CCDC125: variants seen among roughly 807,000 people sequenced by gnomAD.
CCDC125 encodes the protein coiled-coil domain containing 125.
In CCDC125, 43 loss-of-function variants were observed where a neutral mutation model predicts 57.4. The observed-to-expected ratio is 0.75, with a 90% CI of 0.59 to 0.97. The LOEUF is 0.97. CCDC125 is among the 50% of genes least tolerant of loss of function. The pLI is 0.00. For missense variants in CCDC125, 563 were observed against 595.7 expected, an observed-to-expected ratio of 0.95 and a Z score of 0.57; for synonymous variants, 187 against 195.2, an observed-to-expected ratio of 0.96 and a Z score of 0.35.
downstream of CCDC125, chr5:69,277,127 A>G (rs779651538): frequency 3.1e-6 from 5 of 1,599,576 alleles, no homozygotes; most frequent in Admixed American, 3.5e-5. Flanking sequence ...CAAGAAACTA[A>G]TTTTTTAAAG....
chr5:69,330,304 A>C (rs1156294618), intron 1 of CCDC125, among the ~76,000 whole-genome samples: 1 of 152,160 alleles, frequency 6.6e-6, no homozygotes, highest in Non-Finnish European at 1.5e-5. Context: ...CTTGCTCAAA[A>C]ACAAATTCAC....
At chr5:69,305,719 C>T (rs1226603873) in intron 6 of CCDC125, among the ~76,000 whole-genome samples, 4 of 152,096 alleles carry the variant, frequency 2.6e-5, no homozygotes, top group Non-Finnish European at 4.4e-5. Flanking sequence ...AAGCCTGCAC[C>T]GAGTCAAGCA....
At chr5:69,329,425 C>A (rs1411992063) in intron 1 of CCDC125, among the ~76,000 whole-genome samples, 1 of 149,030 alleles carries the variant, frequency 6.7e-6, no homozygotes, top group Non-Finnish European at 1.5e-5. Context: ...TGGGCTCAAG[C>A]AATCCTTCTG....
chr5:69,276,612 T>C (rs750447956), downstream of CCDC125: 1 of 1,614,044 alleles, frequency 6.2e-7, no homozygotes, highest in Non-Finnish European at 8.5e-7. Context: ...AAGACCAAAC[T>C]GTCCAGTGGA....
chr5:69,309,932 G>T (rs187000703), intron 4 of CCDC125: 15 of 152,316 alleles, frequency 9.8e-5, no homozygotes, highest in African/African-American at 3.6e-4. Context: ...TTTAAAATTT[G>T]ACTGCCCTGC....
At chr5:69,301,470 T>C (rs974994783) in intron 7 of CCDC125, among the ~76,000 whole-genome samples, 1 of 149,872 alleles carries the variant, frequency 6.7e-6, no homozygotes, top group Non-Finnish European at 1.5e-5. Flanking sequence ...TCTACAAAAA[T>C]TTTTTTTTTA....
intron 1 of CCDC125, among the ~76,000 whole-genome samples, chr5:69,328,950 C>A (rs563824746): frequency 7.2e-6 from 1 of 138,178 alleles, no homozygotes; most frequent in Non-Finnish European, 1.7e-5. Flanking sequence ...TCCGCCACCA[C>A]GCCCGGCTAA....
chr5:69,293,207 C>A (rs1304622985), intron 9 of CCDC125, among the ~76,000 whole-genome samples: 1 of 151,980 alleles, frequency 6.6e-6, no homozygotes, highest in Non-Finnish European at 1.5e-5. Flanking sequence ...GATGTGAACA[C>A]GGCTCACTGT....
downstream of CCDC125, chr5:69,277,146 G>A (rs1295953026): frequency 1.9e-6 from 3 of 1,588,116 alleles, no homozygotes; most frequent in South Asian, 1.2e-5. Context: ...AGAGAACACT[G>A]GACAACATTT....
intron 1 of CCDC125, among the ~76,000 whole-genome samples, chr5:69,323,266 G>A (rs1004941174): frequency 6.6e-6 from 1 of 151,234 alleles, no homozygotes; most frequent in African/African-American, 2.4e-5. Flanking sequence ...CCGAGATTGC[G>A]CCACTGCACT....
chr5:69,300,085 A>G lies in CCDC125; in HGVS notation c.743T>C (p.Ile248Thr). Reference sequence around the variant, plus strand: ...TTCCTGAGCCATCTTCTGCTGTTTGATATCAAGCATGGCGAGGGCCTCCAA... The same window carrying G: ...TTCCTGAGCCATCTTCTGCTGTTTGGTATCAAGCATGGCGAGGGCCTCCAA... ...RYLEALAMLDIKQQKMAQENM... is the reference protein window; with the variant it reads ...RYLEALAMLDTKQQKMAQENM... Residue 248 changes from isoleucine (I) to threonine (T), a missense_variant, in exon 8 of 12, where the codon ATC becomes ACC. Coordinates refer to ENST00000396496, the MANE Select transcript of CCDC125 (RefSeq NM_176816.5). 1 of 1,614,214 alleles carries G rather than the reference A, an allele frequency of 6.2e-7. No homozygotes were observed. Among genetic ancestry groups the G allele is most frequent in the Non-Finnish European group, 8.5e-7 (1 of 1,180,044 alleles).
At chr5:69,331,756 A>C (rs1410146332) in intron 1 of CCDC125, among the ~76,000 whole-genome samples, 1 of 152,040 alleles carries the variant, frequency 6.6e-6, no homozygotes, top group East Asian at 1.9e-4. Flanking sequence ...TCACCCCAGG[A>C]ATGCTGTTTC....
intron 1 of CCDC125, among the ~76,000 whole-genome samples, chr5:69,324,857 CAATA>C (rs1760528654): frequency 1.3e-5 from 2 of 151,836 alleles, no homozygotes; most frequent in African/African-American, 2.4e-5. Context: ...CTAATTAAAA[CAATA>C]AATAAATAAA....
At chr5:69,276,791 T>C, downstream of CCDC125, 2 of 986,606 alleles carry the variant, frequency 2.0e-6, no homozygotes, top group Admixed American at 2.6e-5. Context: ...TGTAGCTTGC[T>C]AGCTATTTAA....
chr5:69,320,193 C>T (rs770100613), intron 2 of CCDC125, 44 bp downstream of exon 2: 5 of 1,487,296 alleles, frequency 3.4e-6, no homozygotes, highest in Non-Finnish European at 3.7e-6. Context: ...AGCTTTGATA[C>T]TATGCACAGG....
Position 69,294,906 on chromosome 5 carries a change from A to C in CCDC125, c.817-6T>G. Reference sequence around the variant, plus strand: ...CAGGCTCCGAGGACCGCAAGCTTTAAATTGAAAAGCATTGCTCCTGTTATT... The same window carrying C: ...CAGGCTCCGAGGACCGCAAGCTTTACATTGAAAAGCATTGCTCCTGTTATT... On this transcript the variant is annotated splice_region_variant and splice_polypyrimidine_tract_variant and intron_variant, in intron 8 of 11. Coordinates refer to ENST00000396496, the MANE Select transcript of CCDC125 (RefSeq NM_176816.5). 1 of 1,610,816 alleles carries C rather than the reference A, an allele frequency of 6.2e-7. No homozygotes were observed. The highest frequency in any genetic ancestry group is 8.5e-7 in the Non-Finnish European group (1 of 1,178,024).
At chr5:69,320,786 G>T (rs985192593) in intron 1 of CCDC125, among the ~76,000 whole-genome samples, 1 of 148,242 alleles carries the variant, frequency 6.7e-6, no homozygotes, top group Non-Finnish European at 1.5e-5. Flanking sequence ...TATGGTGTGG[G>T]GTGTGTGTGT....
intron 2 of CCDC125, among the ~76,000 whole-genome samples, chr5:69,314,259 G>T (rs539584788): frequency 2.1e-4 from 32 of 152,080 alleles, no homozygotes; most frequent in Non-Finnish European, 4.1e-4. Context: ...GAGGTCAGGA[G>T]TTCAAGGCCA....
At chr5:69,296,545 C>G (rs1755353668) in intron 8 of CCDC125, among the ~76,000 whole-genome samples, 1 of 151,978 alleles carries the variant, frequency 6.6e-6, no homozygotes, top group Non-Finnish European at 1.5e-5. Flanking sequence ...GAGCAAAACT[C>G]TGTCTCAAAA....
Sources: gnomAD v4.1 joint callset for allele counts (sites outside exome capture counted in the v4.1 genomes callset) on GRCh38, gnomAD v4.1.1 for gene constraint, MANE v1.5 for transcripts, NCBI Gene and HGNC (gene_info 2026-07-23, HGNC 2026-07-21) for gene names.